TRMT44: variants seen among roughly 807,000 people sequenced by gnomAD.
TRMT44 encodes probable tRNA (uracil-O(2)-)-methyltransferase.
TRMT44 carries 78 observed loss-of-function variants against 77.3 expected under a neutral mutation model. The observed-to-expected ratio is 1.01, with a 90% CI of 0.84 to 1.22. TRMT44 has a LOEUF of 1.22. Ranked by LOEUF, TRMT44 falls within the 50% of genes most tolerant of loss-of-function variation. TRMT44 has a pLI of 0.00. For synonymous variants in TRMT44, 391 were observed against 383.3 expected (o/e 1.02, Z -0.23); for missense variants, 1,090 against 964.4 (o/e 1.13, Z -1.73).
At chr4:8,457,424 T>C (rs1345573108) in intron 6 of TRMT44, among the ~76,000 whole-genome samples, 4 of 152,192 alleles carry the variant, frequency 2.6e-5, no homozygotes, top group African/African-American at 7.2e-5. Flanking sequence ...TCTGTTGATA[T>C]TGGACAATGC....
chr4:8,457,801 A>T (rs1220540672), intron 6 of TRMT44, among the ~76,000 whole-genome samples: 1 of 152,202 alleles, frequency 6.6e-6, no homozygotes, highest in East Asian at 1.9e-4. Flanking sequence ...GGATATGGCA[A>T]AGGTGGGCGA....
the TRMT44 span, among the ~76,000 whole-genome samples, chr4:8,501,749 G>A: frequency 6.6e-6 from 1 of 152,218 alleles, no homozygotes; most frequent in South Asian, 2.1e-4. The surrounding 1 kb of genome is among the most constrained non-coding windows in gnomAD (Gnocchi z 4.4). Context: ...GAGGTGCTCA[G>A]TTGGGGCCCT....
chr4:8,456,411 C>T (rs920759910), intron 6 of TRMT44, among the ~76,000 whole-genome samples: 1 of 152,096 alleles, frequency 6.6e-6, no homozygotes, highest in South Asian at 2.1e-4. Context: ...TGGAAGTCTC[C>T]CAAGAAGCAG....
chr4:8,476,255 A>G lies in TRMT44; in HGVS notation c.*254A>G, dbSNP rs576609445. 3.8e-5 allele frequency: 21 copies of G among 552,658 alleles called. No individual in the cohort carries two copies. The highest frequency in any genetic ancestry group is 6.3e-5 in the South Asian group (3 of 47,860). The allele number at this position is 552,658 out of a possible 1,614,324, so 34.2% of individuals were successfully genotyped here. On this transcript the variant is annotated 3_prime_UTR_variant, in exon 11 of 11. Coordinates refer to ENST00000389737, the MANE Select transcript of TRMT44 (RefSeq NM_152544.3). ...CGCTTGAAACGTGCGCAGCATCTTC[A>G]TATCATAAAGATTGTGCACGGATCC...
At chr4:8,484,019 A>G (rs2109219683) in intron 2 of TRMT44, among the ~76,000 whole-genome samples, 1 of 152,332 alleles carries the variant, frequency 6.6e-6, no homozygotes, top group African/African-American at 2.4e-5. Flanking sequence ...AGCAGATGGA[A>G]CACTGAGAAG....
At chr4:8,474,262 G>A (rs2109192698) in intron 10 of TRMT44, among the ~76,000 whole-genome samples, 1 of 152,336 alleles carries the variant, frequency 6.6e-6, no homozygotes, top group Non-Finnish European at 1.5e-5. Context: ...CCCTTTAGAG[G>A]GTTCCAGGTC....
chr4:8,497,662 CAAAA>C (rs1171233960), downstream of TRMT44, among the ~76,000 whole-genome samples: 1 of 151,842 alleles, frequency 6.6e-6, no homozygotes, highest in Non-Finnish European at 1.5e-5. Context: ...AACAAACAAA[CAAAA>C]AAACCCTGCT....
intron 3 of TRMT44, 134 bp downstream of exon 3, chr4:8,450,022 A>ACCCG: frequency 1.7e-6 from 1 of 573,550 alleles, no homozygotes; most frequent in Non-Finnish European, 2.8e-6. Context: ...GCCAGAGTGA[A>ACCCG]GTGGTGTGAT....
chr4:8,447,919 G>A (rs947910021), intron 2 of TRMT44, among the ~76,000 whole-genome samples: 1 of 152,156 alleles, frequency 6.6e-6, no homozygotes, highest in African/African-American at 2.4e-5. Flanking sequence ...TGGGCACCTG[G>A]TGCAGGGCGG....
chr4:8,480,433 C>T (rs1033693587), downstream of TRMT44, among the ~76,000 whole-genome samples: 2 of 152,136 alleles, frequency 1.3e-5, no homozygotes, highest in African/African-American at 2.4e-5. Flanking sequence ...CCTTGCACTC[C>T]GGACGTGAGC....
chr4:8,473,234 AG>A (rs1727140279), intron 10 of TRMT44: 1 of 152,320 alleles, frequency 6.6e-6, no homozygotes, highest in Non-Finnish European at 1.5e-5. Flanking sequence ...GAGGGCCACA[AG>A]GGCCAGCCCT....
chr4:8,443,379 A>G (rs1023122120), intron 1 of TRMT44, among the ~76,000 whole-genome samples: 5 of 152,162 alleles, frequency 3.3e-5, no homozygotes, highest in Non-Finnish European at 5.9e-5. Flanking sequence ...CGTTTTCAGG[A>G]TTGCTTTCTA....
At chr4:8,442,710 C>G (rs992932372) in intron 1 of TRMT44, among the ~76,000 whole-genome samples, 2 of 152,184 alleles carry the variant, frequency 1.3e-5, no homozygotes, top group African/African-American at 4.8e-5. Context: ...GGTCCTTGTT[C>G]CCTTGCTGGC....
At chr4:8,491,882 T>C (rs1257120557) in intron 2 of TRMT44, among the ~76,000 whole-genome samples, 2 of 152,188 alleles carry the variant, frequency 1.3e-5, no homozygotes, top group Non-Finnish European at 2.9e-5. Flanking sequence ...GCTGAAGGGC[T>C]CCTCAAGTGC....
intron 6 of TRMT44, among the ~76,000 whole-genome samples, chr4:8,460,488 C>G (rs185897539): frequency 1.3e-5 from 2 of 152,240 alleles, no homozygotes; most frequent in African/African-American, 2.4e-5. Context: ...TCAGGCATAT[C>G]ATTTCATAGA....
At chr4:8,464,276 T>C (rs936477120) in intron 7 of TRMT44, among the ~76,000 whole-genome samples, 185 bp downstream of exon 7, 2 of 152,246 alleles carry the variant, frequency 1.3e-5, no homozygotes, top group Non-Finnish European at 2.9e-5. Flanking sequence ...TTCCACCTGT[T>C]TTATTTTACC....
chr4:8,452,988 G>A lies in TRMT44; in HGVS notation c.1130G>A (p.Gly377Glu), dbSNP rs917071135. ...CTGGTCCACATCCTGAGCAGTGAGG[G>A]GGTAAGGCCCGGCTCCATCACCTTT... ...GLLVHILSSE[G>E]HPGRGIDVRR... The change falls in exon 5 of 11, where the codon GGG (glycine) becomes GAG (glutamate). Residue 377 changes from glycine to glutamate, a missense_variant and splice_region_variant. Transcript: ENST00000389737. This position sits in a 1 kb window ranked among gnomAD's most constrained non-coding sequence, Gnocchi z 5.7. 7 of 1,509,980 alleles carry A rather than the reference G, an allele frequency of 4.6e-6. No homozygotes were observed. Among genetic ancestry groups the A allele is most frequent in the East Asian group, 2.5e-5 (1 of 39,526 alleles). The allele number at this position is 1,509,980 out of a possible 1,614,324, so 93.5% of individuals were successfully genotyped here. A position where few individuals can be genotyped will look rare whatever the true frequency, so the allele number is the denominator to read the frequency against.
intron 2 of TRMT44, among the ~76,000 whole-genome samples, chr4:8,487,500 C>T (rs975710182): frequency 6.7e-5 from 10 of 148,410 alleles, no homozygotes; most frequent in South Asian, 4.3e-4. Flanking sequence ...GATAAGAGGT[C>T]GGGGTGCAGA....
chr4:8,466,155 TATGTCTCTGGTAAC>T (rs1726529380), intron 8 of TRMT44, among the ~76,000 whole-genome samples: 1 of 152,216 alleles, frequency 6.6e-6, no homozygotes, highest in African/African-American at 2.4e-5. Context: ...GCAGCTCACC[TATGTCTCTGGTAAC>T]TTTATTTGAC....
Sources: allele counts gnomAD v4.1 joint callset (sites outside exome capture counted in the v4.1 genomes callset), GRCh38; gene constraint gnomAD v4.1.1; non-coding constraint Gnocchi (gnomAD v3.1); transcripts MANE v1.5; gene names NCBI Gene and HGNC (gene_info 2026-07-23, HGNC 2026-07-21).